The following PRDM16 variants were observed in gnomAD, a reference collection of about 807,000 sequenced individuals.
PRDM16 encodes the protein histone-lysine N-methyltransferase PRDM16.
Under a neutral mutation model 110.6 loss-of-function variants are expected in PRDM16, and 23 were observed. The observed-to-expected ratio is 0.21, with a 90% CI of 0.15 to 0.29. The LOEUF (loss-of-function observed/expected upper bound fraction) is 0.29. Ranked by LOEUF, PRDM16 falls within the 10% of genes least tolerant of loss-of-function variation. The pLI, the probability that PRDM16 is intolerant of heterozygous loss-of-function variation, is 1.00. For synonymous variants in PRDM16, 799 were observed against 781.8 expected, an observed-to-expected ratio of 1.02 and a Z score of -0.37; for missense variants, 1,615 against 1,794.3, an observed-to-expected ratio of 0.90 and a Z score of 1.81.
chr1:3,280,060 A>G (rs1015994563), intron 3 of PRDM16, among the ~76,000 whole-genome samples: 72 of 152,292 alleles, frequency 4.7e-4, no homozygotes, highest in African/African-American at 1.7e-3. Flanking sequence ...GAAAAAAAAA[A>G]AACATTTAAA....
intron 2 of PRDM16, among the ~76,000 whole-genome samples, chr1:3,235,301 G>A (rs528861436): frequency 2.6e-5 from 4 of 152,354 alleles, no homozygotes; most frequent in Admixed American, 6.5e-5. Context: ...AGCTGGCTAC[G>A]GGAGGCTCTT....
intron 1 of PRDM16, among the ~76,000 whole-genome samples, chr1:3,118,500 C>T (rs995012794): frequency 2.0e-5 from 3 of 152,152 alleles, no homozygotes; most frequent in Non-Finnish European, 4.4e-5. Flanking sequence ...GTAGTGTGGC[C>T]AGGGGCCTTC....
At chr1:3,416,723 G>A (rs946902855) in intron 10 of PRDM16, among the ~76,000 whole-genome samples, 2 of 152,248 alleles carry the variant, frequency 1.3e-5, no homozygotes, top group Non-Finnish European at 2.9e-5. Flanking sequence ...GGTGTCTGGA[G>A]GGCCCTGTGG....
chr1:3,267,823 C>CCAGGCCCA (rs1640331566), intron 3 of PRDM16, among the ~76,000 whole-genome samples: 1 of 152,210 alleles, frequency 6.6e-6, no homozygotes, highest in African/African-American at 2.4e-5. Flanking sequence ...GCATTGGCTC[C>CCAGGCCCA]CAGGCCCACA....
rs1317834017 is a variant in PRDM16, at chr1:3,175,862, G to A, written c.38-10263G>A. On this transcript the variant is annotated intron_variant, in intron 1 of 16. Coordinates refer to ENST00000270722, the MANE Select transcript of PRDM16 (RefSeq NM_022114.4). The surrounding 1 kb of genome is among the most constrained non-coding windows in gnomAD (Gnocchi z 4.8). ...AGGGTTGTGTTAATGGAGCTTCACG[G>A]CTAGGGAAGGAAAGTCAGAAGTGGG... Among the ~76,000 whole-genome samples the A allele has an allele frequency of 1.3e-5, 2 of 152,174 alleles. No homozygotes were observed. The highest frequency in any genetic ancestry group is 4.8e-5 in the African/African-American group (2 of 41,436).
intron 1 of PRDM16, among the ~76,000 whole-genome samples, chr1:3,149,265 C>T (rs953550976): frequency 2.0e-5 from 3 of 152,204 alleles, no homozygotes; most frequent in Admixed American, 6.5e-5. Flanking sequence ...AGCCCCAAAC[C>T]CACAGCTCCT....
intron 1 of PRDM16, among the ~76,000 whole-genome samples, chr1:3,101,214 G>A (rs905535112): frequency 2.0e-5 from 3 of 152,144 alleles, no homozygotes; most frequent in Admixed American, 6.5e-5. Context: ...CCCAGCGGAC[G>A]AGCAAACACT....
intron 1 of PRDM16, among the ~76,000 whole-genome samples, chr1:3,158,775 CTTCT>C (rs1643876898): frequency 9.4e-6 from 1 of 106,576 alleles, no homozygotes; most frequent in Admixed American, 1.0e-4. Flanking sequence ...CTTTTCTTTC[CTTCT>C]TTTTTTTTTT....
chr1:3,356,467 C>T (rs1417290995), intron 3 of PRDM16, among the ~76,000 whole-genome samples: 5 of 152,226 alleles, frequency 3.3e-5, no homozygotes, highest in African/African-American at 1.2e-4. Flanking sequence ...TGAAATCCTC[C>T]CTTTCCAACA....
intron 3 of PRDM16, among the ~76,000 whole-genome samples, chr1:3,284,737 G>A (rs761198917): frequency 5.9e-5 from 9 of 152,242 alleles, no homozygotes; most frequent in South Asian, 2.1e-4. Context: ...GTTGCTTCTA[G>A]AAACGGCCAT....
At chr1:3,398,394 G>A (rs762114180) in intron 5 of PRDM16, among the ~76,000 whole-genome samples, 6 of 152,080 alleles carry the variant, frequency 3.9e-5, no homozygotes, top group Non-Finnish European at 7.4e-5. Context: ...TCAAGATCAT[G>A]CCTCCCCAAT....
intron 4 of PRDM16, among the ~76,000 whole-genome samples, chr1:3,385,636 G>A (rs1397588615): frequency 3.3e-5 from 5 of 152,216 alleles, no homozygotes; most frequent in African/African-American, 9.6e-5. Flanking sequence ...TGAAGGACAC[G>A]GGAGAAGCAT....
intron 1 of PRDM16, among the ~76,000 whole-genome samples, chr1:3,135,950 C>T (rs571247248): frequency 1.3e-5 from 2 of 152,256 alleles, no homozygotes; most frequent in South Asian, 2.1e-4. Flanking sequence ...CCTGGGCGCC[C>T]GGCTGGGGAG....
chr1:3,431,217 C>T lies in PRDM16; in HGVS notation c.3521+109C>T, dbSNP rs1638759305. The T allele has an allele frequency of 2.7e-6, 4 of 1,465,326 alleles. No individual in the cohort carries two copies. In the South Asian group the frequency reaches 4.1e-5, roughly 15 times the overall value. 90.8% of individuals were successfully genotyped at this position (1,465,326 alleles called of 1,614,324 possible). ...CGTGAGCCCATCCCTGGCTCAGCCC[C>T]TACTCCAGCACAGCCACCTCAGGGC... On this transcript the variant is annotated intron_variant, in intron 15 of 16. Coordinates refer to ENST00000270722, the MANE Select transcript of PRDM16 (RefSeq NM_022114.4).
In PRDM16 at chr1:3,431,034, C is replaced by T. The variant is rs1460764533; in HGVS notation, c.3447C>T (p.Pro1149=). 8 of 1,566,892 alleles carry T rather than the reference C, an allele frequency of 5.1e-6. No individual in the cohort carries two copies. The highest frequency in any genetic ancestry group is 4.3e-6 in the Non-Finnish European group (5 of 1,155,906). The change falls in exon 15 of 17, where the codon CCC becomes CCT. Residue 1149 remains proline, a synonymous_variant. Coordinates refer to ENST00000270722, the MANE Select transcript of PRDM16 (RefSeq NM_022114.4). Reference sequence around the variant, plus strand: ...ACACCGTGTCCCCCGCACCCGAGCCCCAGGCCGCCTACGAGGATGAGGAGG... The same window carrying T: ...ACACCGTGTCCCCCGCACCCGAGCCTCAGGCCGCCTACGAGGATGAGGAGG... ...QDDTVSPAPE[P]QAAYEDEEDE...
chr1:3,430,645 C>T (rs1156661927), intron 14 of PRDM16, among the ~76,000 whole-genome samples: 3 of 152,260 alleles, frequency 2.0e-5, no homozygotes, highest in Admixed American at 6.5e-5. Flanking sequence ...CTGCCCCCAC[C>T]GCCCCGAGCG....
chr1:3,210,704 G>A (rs1638863750), intron 2 of PRDM16, among the ~76,000 whole-genome samples: 1 of 152,210 alleles, frequency 6.6e-6, no homozygotes, highest in Admixed American at 6.5e-5. Flanking sequence ...ATATGCATTA[G>A]TTTATTCATT....
chr1:3,152,348 TCATCCATCCATC>T (rs70938075), intron 1 of PRDM16, among the ~76,000 whole-genome samples: 23 of 149,628 alleles, frequency 1.5e-4, no homozygotes, highest in East Asian at 4.0e-4. Context: ...ATCTATGCAT[TCATCCATCCATC>T]CATCCATCCA....
chr1:3,380,389 A>G (rs1203792301), intron 3 of PRDM16, among the ~76,000 whole-genome samples: 1 of 151,936 alleles, frequency 6.6e-6, no homozygotes, highest in Non-Finnish European at 1.5e-5. Context: ...GTGACTATTA[A>G]ATTGGTCAGG....
Sources: gnomAD v4.1 joint callset for allele counts (sites outside exome capture counted in the v4.1 genomes callset) on GRCh38, gnomAD v4.1.1 for gene constraint, Gnocchi (gnomAD v3.1) non-coding constraint, MANE v1.5 for transcripts, NCBI Gene and HGNC (gene_info 2026-07-23, HGNC 2026-07-21) for gene names.